The following FSD1L variants were observed in gnomAD, a reference collection of about 807,000 sequenced individuals.
FSD1L encodes the protein FSD1-like protein.
In FSD1L, 45 loss-of-function variants were observed where a neutral mutation model predicts 71.6. The observed-to-expected ratio is 0.63, with a 90% CI of 0.49 to 0.81. The LOEUF is 0.81. FSD1L is among the 30% of genes least tolerant of loss of function. The pLI, the probability that FSD1L is intolerant of heterozygous loss-of-function variation, is 0.00. For synonymous variants in FSD1L, 197 were observed against 207.2 expected, an observed-to-expected ratio of 0.95 and a Z score of 0.42; for missense variants, 561 against 618.1, an observed-to-expected ratio of 0.91 and a Z score of 0.98.
Position 105,522,245 on chromosome 9 carries a change from G to A in FSD1L, c.1025+9309G>A. 1.9e-6 allele frequency: 3 copies of A among 1,612,744 alleles called. No homozygotes were observed. The South Asian group carries it at 3.3e-5, about 18-fold the overall frequency. ...AAGAGTTGGCCACTGAGTGGTCACT[G>A]ACTATGGAGACATTAACTAAAGTTT... On this transcript the variant is annotated intron_variant, in intron 10 of 13. Transcript: ENST00000481272.
intron 7 of FSD1L, among the ~76,000 whole-genome samples, chr9:105,485,533 G>GTTTTTTTTTTTTTTTT (rs34268568): frequency 2.5e-5 from 2 of 79,406 alleles, no homozygotes; most frequent in African/African-American, 4.8e-5. Context: ...TTGGTTAGGT[G>GTTTTTTTTTTTTTTTT]TTTTTTTTTT....
chr9:105,490,941 A>T (rs1832894525), intron 7 of FSD1L, among the ~76,000 whole-genome samples: 1 of 147,802 alleles, frequency 6.8e-6, no homozygotes, highest in Non-Finnish European at 1.5e-5. Context: ...AGGTAGCGTG[A>T]TGCCTCCAGC....
intron 10 of FSD1L, chr9:105,526,054 A>T (rs537281844): frequency 4.6e-6 from 7 of 1,506,726 alleles, no homozygotes; most frequent in Admixed American, 3.3e-5. Context: ...AATATATCCA[A>T]TGAAAAATCA....
intron 10 of FSD1L, chr9:105,530,529 T>G: frequency 1.5e-6 from 1 of 677,998 alleles, no homozygotes. Context: ...TAAAAATTGT[T>G]TTTCTGTTAT....
chr9:105,512,984 G>A, intron 10 of FSD1L, 48 bp downstream of exon 10: 1 of 1,396,686 alleles, frequency 7.2e-7, no homozygotes, highest in Non-Finnish European at 9.4e-7. Context: ...CTTGTACACT[G>A]GTTCTTATTT....
chr9:105,548,067 T>C lies in FSD1L; in HGVS notation c.*1584T>C, dbSNP rs563484535. 309 of 152,242 alleles carry C rather than the reference T, an allele frequency of 2.0e-3. 1 individual carries two copies. The highest frequency in any genetic ancestry group is 7.0e-3 in the African/African-American group (291 of 41,574). The allele number at this position is 152,242 out of a possible 1,614,324, so 9.4% of individuals were successfully genotyped here. The stretch of plus-strand genomic sequence containing the variant: ...ATGTAAATGAGGAATTTTATTTGAA[T>C]TGGAATATTGTTTTTCTAGAGGACA... On this transcript the variant is annotated 3_prime_UTR_variant, in exon 14 of 14. Transcript: ENST00000481272.
intron 10 of FSD1L, chr9:105,520,437 T>C (rs888007759): frequency 9.4e-7 from 1 of 1,065,216 alleles, no homozygotes; most frequent in Non-Finnish European, 1.5e-6. Flanking sequence ...TCTTTGAAAA[T>C]TTTGTGACTA....
chr9:105,476,142 C>A (rs572793297), intron 5 of FSD1L, among the ~76,000 whole-genome samples: 1 of 152,132 alleles, frequency 6.6e-6, no homozygotes, highest in African/African-American at 2.4e-5. Flanking sequence ...TAACTTTTTT[C>A]TATGTGACTG....
intron 1 of FSD1L, among the ~76,000 whole-genome samples, chr9:105,449,360 A>G (rs1829845493): frequency 6.6e-6 from 1 of 152,230 alleles, no homozygotes; most frequent in Admixed American, 6.5e-5. Flanking sequence ...GGCATTTTTT[A>G]AAAATTAGAT....
At chr9:105,458,841 C>G (rs772010981) in intron 1 of FSD1L, among the ~76,000 whole-genome samples, 3 of 152,130 alleles carry the variant, frequency 2.0e-5, no homozygotes, top group Non-Finnish European at 4.4e-5. Flanking sequence ...GGGGTAAAAT[C>G]TATAGAACTT....
chr9:105,471,161 T>C (rs1273576652), intron 4 of FSD1L, among the ~76,000 whole-genome samples: 3 of 149,832 alleles, frequency 2.0e-5, no homozygotes, highest in Non-Finnish European at 4.5e-5. Context: ...TTCTCTTGCC[T>C]TTCCTTCTTC....
chr9:105,486,896 T>A (rs991901637), intron 7 of FSD1L, among the ~76,000 whole-genome samples: 3 of 152,160 alleles, frequency 2.0e-5, no homozygotes, highest in Admixed American at 2.0e-4. Context: ...TTAACTAGCA[T>A]GTGCTTATCT....
At chr9:105,524,235 A>G (rs1835362581) in intron 10 of FSD1L, 3 of 1,612,310 alleles carry the variant, frequency 1.9e-6, no homozygotes, top group Non-Finnish European at 2.5e-6. Flanking sequence ...CTTAAAGTTT[A>G]CTAATAAAAC....
At chr9:105,497,103 A>G (rs1191482263) in intron 7 of FSD1L, among the ~76,000 whole-genome samples, 1 of 151,992 alleles carries the variant, frequency 6.6e-6, no homozygotes, top group Non-Finnish European at 1.5e-5. Context: ...TGTGAAATGC[A>G]TTTTTTGGCA....
intron 13 of FSD1L, among the ~76,000 whole-genome samples, chr9:105,542,516 C>T (rs753752716): frequency 1.3e-5 from 2 of 152,108 alleles, no homozygotes; most frequent in African/African-American, 4.8e-5. Context: ...TACAGTGGTG[C>T]GATCACAGCT....
chr9:105,500,084 A>G (rs962168541), intron 7 of FSD1L, among the ~76,000 whole-genome samples: 1 of 152,178 alleles, frequency 6.6e-6, no homozygotes, highest in African/African-American at 2.4e-5. Context: ...TATGCTGTCT[A>G]CTTTCTCCAT....
At chr9:105,481,723 A>G (rs1417772239) in intron 6 of FSD1L, among the ~76,000 whole-genome samples, 1 of 152,074 alleles carries the variant, frequency 6.6e-6, no homozygotes, top group Non-Finnish European at 1.5e-5. Context: ...AATAATTTAA[A>G]CGTAGTCATA....
chr9:105,525,433 C>T, intron 10 of FSD1L: 6 of 1,608,832 alleles, frequency 3.7e-6, no homozygotes, highest in Non-Finnish European at 5.1e-6. Flanking sequence ...CCTTAAGCAA[C>T]ATACAGAAGA....
intron 7 of FSD1L, among the ~76,000 whole-genome samples, chr9:105,494,653 T>A (rs2131306366): frequency 6.6e-6 from 1 of 152,318 alleles, no homozygotes; most frequent in East Asian, 1.9e-4. Context: ...TGGTCTTTGA[T>A]GATGGTGATG....
Sources: gnomAD v4.1 joint callset for allele counts (sites outside exome capture counted in the v4.1 genomes callset) on GRCh38, gnomAD v4.1.1 for gene constraint, MANE v1.5 for transcripts, NCBI Gene and HGNC (gene_info 2026-07-23, HGNC 2026-07-21) for gene names.